The following ARHGAP17 variants were observed in gnomAD, a reference collection of about 807,000 sequenced individuals.
ARHGAP17 encodes the protein Rho GTPase activating protein 17, also known as rho GTPase-activating protein 17.
ARHGAP17 carries 57 observed loss-of-function variants against 99.5 expected under a neutral mutation model. The ratio of observed to expected loss-of-function variants is 0.57; its 90% confidence interval spans 0.46 to 0.71. The LOEUF (loss-of-function observed/expected upper bound fraction) is 0.71. Among genes scored for constraint, ARHGAP17 ranks in the 30% least tolerant of loss-of-function variants. The probability of loss-of-function intolerance (pLI) is 0.00; values close to 1 mark genes in which losing one functional copy is unlikely to be tolerated. For missense variants in ARHGAP17, 1,000 were observed against 1,122.4 expected, an observed-to-expected ratio of 0.89 and a Z score of 1.56; for synonymous variants, 417 against 429.6, an observed-to-expected ratio of 0.97 and a Z score of 0.36.
rs1387173741 is a variant in ARHGAP17, at chr16:24,982,982, ATATATATATATATATTTTTTTT to A, written c.54-3999_54-3978del. ...TGATAAATCATATATATATATATAT[ATATATATATATATATTTTTTTT>A]TTTTTTTTTTTTTTTTTTGAGACAG... On this transcript the variant is annotated intron_variant, in intron 1 of 19. Coordinates refer to ENST00000289968, the MANE Select transcript of ARHGAP17 (RefSeq NM_001006634.3). Among the ~76,000 whole-genome samples the A allele has an allele frequency of 7.4e-3, 242 of 32,634 alleles. 1 individual carries two copies. Among genetic ancestry groups the A allele is most frequent in the Non-Finnish European group, 0.01 (199 of 19,162 alleles). The allele number at this position is 32,634 out of a possible 152,430, so 21.4% of individuals were successfully genotyped here.
intron 1 of ARHGAP17, among the ~76,000 whole-genome samples, chr16:24,988,335 A>T (rs1472833443): frequency 1.3e-5 from 2 of 152,222 alleles, no homozygotes; most frequent in African/African-American, 4.8e-5. Flanking sequence ...AAGGGATGTT[A>T]TTGGGAAAAA....
At chr16:24,952,231 G>T in intron 12 of ARHGAP17, 58 bp downstream of exon 12, 1 of 1,315,376 alleles carries the variant, frequency 7.6e-7, no homozygotes, top group South Asian at 1.3e-5. Context: ...TTTGCAAATA[G>T]GGCACAATAT....
intron 1 of ARHGAP17, among the ~76,000 whole-genome samples, chr16:24,995,962 A>G (rs1004481401): frequency 1.3e-5 from 2 of 152,146 alleles, no homozygotes; most frequent in Non-Finnish European, 2.9e-5. Context: ...TCTTGGGCTC[A>G]AGCAATCCTC....
At chr16:24,925,394 T>C (rs1015421430) in intron 19 of ARHGAP17, among the ~76,000 whole-genome samples, 7 of 151,938 alleles carry the variant, frequency 4.6e-5, no homozygotes, top group Admixed American at 4.6e-4. Context: ...ATACACAAAA[T>C]AAATAAACAG....
At chr16:24,989,436 T>A (rs1009775901) in intron 1 of ARHGAP17, among the ~76,000 whole-genome samples, 3 of 151,940 alleles carry the variant, frequency 2.0e-5, no homozygotes, top group Non-Finnish European at 4.4e-5. Flanking sequence ...TAAAAACTAG[T>A]GGAAAAAGAT....
At chr16:25,002,907 T>A (rs2053401379) in intron 1 of ARHGAP17, among the ~76,000 whole-genome samples, 1 of 151,778 alleles carries the variant, frequency 6.6e-6, no homozygotes, top group South Asian at 2.1e-4. Context: ...GGTGTGGTGG[T>A]GGGCAACTGT....
At chr16:24,949,687 G>A (rs2051576898) in intron 12 of ARHGAP17, among the ~76,000 whole-genome samples, 1 of 152,216 alleles carries the variant, frequency 6.6e-6, no homozygotes. Flanking sequence ...ATCTCTGGAT[G>A]TGCAAAACAG....
chr16:24,949,782 A>G (rs560352498), intron 12 of ARHGAP17, among the ~76,000 whole-genome samples: 15 of 152,334 alleles, frequency 9.8e-5, no homozygotes, highest in African/African-American at 3.6e-4. Flanking sequence ...GAGACAAGAC[A>G]CTACTGAAAA....
chr16:24,951,071 G>C (rs1052317121), intron 12 of ARHGAP17, among the ~76,000 whole-genome samples: 2 of 152,090 alleles, frequency 1.3e-5, no homozygotes, highest in Non-Finnish European at 2.9e-5. Flanking sequence ...TGGAGAGGAG[G>C]GGAGTCAGCG....
chr16:24,984,382 T>C (rs543817685), intron 1 of ARHGAP17, among the ~76,000 whole-genome samples: 3 of 152,150 alleles, frequency 2.0e-5, no homozygotes, highest in Admixed American at 1.3e-4. Context: ...AAATACATAC[T>C]GAGGCCGGGC....
chr16:24,964,435 G>A, intron 6 of ARHGAP17, 127 bp from the exon 7 acceptor site: 3 of 671,856 alleles, frequency 4.5e-6, no homozygotes, highest in Non-Finnish European at 7.8e-6. Context: ...TCATTGCCCA[G>A]GATGCCAAAT....
intron 19 of ARHGAP17, among the ~76,000 whole-genome samples, chr16:24,928,906 A>C (rs900127886): frequency 1.3e-5 from 2 of 152,092 alleles, no homozygotes; most frequent in South Asian, 2.1e-4. Flanking sequence ...TTGGCGGAAG[A>C]TTTTTTTTAA....
intron 1 of ARHGAP17, among the ~76,000 whole-genome samples, chr16:24,986,790 G>A (rs1428278055): frequency 6.6e-6 from 1 of 152,194 alleles, no homozygotes; most frequent in African/African-American, 2.4e-5. Context: ...TTTGAGGATG[G>A]GTGAGGCTGG....
intron 1 of ARHGAP17, among the ~76,000 whole-genome samples, chr16:25,008,559 C>T (rs1478754009): frequency 6.6e-6 from 1 of 152,156 alleles, no homozygotes; most frequent in Non-Finnish European, 1.5e-5. Flanking sequence ...CTAGTTACTA[C>T]AGCATCTACC....
chr16:24,959,696 G>A lies in ARHGAP17; in HGVS notation c.699C>T (p.Thr233=), dbSNP rs1026650854. Residue 233 remains threonine (T), a synonymous_variant, in exon 9 of 20, where the codon ACC becomes ACT. Coordinates refer to ENST00000289968, the MANE Select transcript of ARHGAP17 (RefSeq NM_001006634.3). ...CTTGATGGGCTCGCATTTCGGGGAG[G>A]GTCTTTTCTAAGACTGCTAATGCTT... The part of the protein sequence containing the change: ...HRKALAVLEK[T]LPEMRAHQDK... The A allele has an allele frequency of 1.2e-6, 2 of 1,613,946 alleles. No individual in the cohort carries two copies. The highest frequency in any genetic ancestry group is 1.7e-6 in the Non-Finnish European group (2 of 1,179,998).
At position 24,935,475 on chromosome 16, in the gene ARHGAP17, C is replaced by T. The variant is rs577832914; in HGVS notation, c.1889G>A (p.Arg630His). The T allele has an allele frequency of 3.8e-5, 61 of 1,594,582 alleles. No homozygotes were observed. The Middle Eastern group carries it at 5.0e-4, about 13-fold the overall frequency. ...GGAGGACGGTGGCTGCTTACCTCGG[C>T]GCAGTGTATGCGGGCTGGGCCCTGC... ...NAAGPSPHTL[R>H]RAVKKPAPAP... is the part of the protein sequence containing the mutation. The change falls in exon 18 of 20, where the codon CGC becomes CAC. Residue 630 changes from arginine to histidine, a missense_variant. Physicochemically the swap from Arg to His is conservative, Grantham distance 29. Around this residue, in one of 2 missense-constraint regions of ARHGAP17, gnomAD observed 528 missense variants for 511.4 expected, o/e 1.03. Coordinates refer to ENST00000289968, the MANE Select transcript of ARHGAP17 (RefSeq NM_001006634.3).
At chr16:24,994,230 GGAGT>G (rs1276088393) in intron 1 of ARHGAP17, among the ~76,000 whole-genome samples, 1 of 152,172 alleles carries the variant, frequency 6.6e-6, no homozygotes, top group African/African-American at 2.4e-5. Flanking sequence ...GTCAAAGAAA[GGAGT>G]GCCTGATGGA....
At chr16:24,924,559 G>A (rs2050793899) in intron 19 of ARHGAP17, among the ~76,000 whole-genome samples, 1 of 152,002 alleles carries the variant, frequency 6.6e-6, no homozygotes, top group Non-Finnish European at 1.5e-5. Context: ...GAGGTTTAGG[G>A]TGCTTTTAGA....
intron 19 of ARHGAP17, among the ~76,000 whole-genome samples, chr16:24,921,653 C>T (rs749113917): frequency 2.0e-5 from 3 of 152,118 alleles, no homozygotes; most frequent in Non-Finnish European, 4.4e-5. Flanking sequence ...CTATTTACTC[C>T]CTGGGACACC....
Sources: gnomAD v4.1 joint callset for allele counts (sites outside exome capture counted in the v4.1 genomes callset) on GRCh38, gnomAD v4.1.1 for gene constraint, gnomAD v4.1.1 regional missense constraint, MANE v1.5 for transcripts, NCBI Gene and HGNC (gene_info 2026-07-23, HGNC 2026-07-21) for gene names.